ZNF681: variants seen among roughly 807,000 people sequenced by gnomAD.
The protein encoded by ZNF681 is hypothetical protein FLJ31526.
ZNF681 carries 37 observed loss-of-function variants against 56.0 expected under a neutral mutation model. The observed-to-expected ratio is 0.66, with a 90% confidence interval of 0.51 to 0.87. The LOEUF (loss-of-function observed/expected upper bound fraction) is 0.87. ZNF681 is among the 40% of genes least tolerant of loss of function. The pLI is 0.00. For synonymous variants in ZNF681, 225 were observed against 248.6 expected (o/e 0.91, Z 0.89); for missense variants, 741 against 744.9 (o/e 0.99, Z 0.06).
At position 23,740,228 on chromosome 19, in the gene ZNF681, T is replaced by C. The variant is rs1317564922; in HGVS notation, c.*3384A>G. The C allele has an allele frequency of 6.6e-6, 1 of 152,144 alleles. No homozygotes were observed. The highest frequency in any genetic ancestry group is 1.9e-4 in the East Asian group (1 of 5,186). 9.4% of individuals were successfully genotyped at this position (152,144 alleles called of 1,614,324 possible). A position where few individuals can be genotyped will look rare whatever the true frequency, so the allele number is the denominator to read the frequency against. On this transcript the variant is annotated 3_prime_UTR_variant, in exon 4 of 4. Transcript: ENST00000402377. ...TCTCCAGTTAAAACCAATCTTGCAG[T>C]GCATTAAAAATACCGATTTCTCATC...
chr19:23,751,087 C>T (rs1165415479), intron 3 of ZNF681, among the ~76,000 whole-genome samples: 1 of 145,258 alleles, frequency 6.9e-6, no homozygotes, highest in Non-Finnish European at 1.5e-5. Flanking sequence ...CAAGACTGCG[C>T]CATTGCACTC....
intron 3 of ZNF681, among the ~76,000 whole-genome samples, chr19:23,752,907 G>GA (rs1969054111): frequency 6.6e-6 from 1 of 151,918 alleles, no homozygotes; most frequent in African/African-American, 2.4e-5. Flanking sequence ...TCAAAAAAAT[G>GA]AAAAAGAGCC....
At chr19:23,748,894 C>T (rs950785336) in intron 3 of ZNF681, among the ~76,000 whole-genome samples, 6 of 152,010 alleles carry the variant, frequency 3.9e-5, no homozygotes, top group African/African-American at 9.7e-5. Flanking sequence ...ACTGAAAATC[C>T]GTTATTTGTT....
chr19:23,758,667 T>G, intron 1 of ZNF681, 80 bp downstream of exon 1: 1 of 1,610,834 alleles, frequency 6.2e-7, no homozygotes, highest in Non-Finnish European at 8.5e-7. Flanking sequence ...GGGCGCAAAT[T>G]GTGGAGCTGA....
intron 3 of ZNF681, among the ~76,000 whole-genome samples, chr19:23,750,699 A>T (rs1969014949): frequency 6.6e-6 from 1 of 151,200 alleles, no homozygotes; most frequent in East Asian, 2.0e-4. Flanking sequence ...AAAATTAGCC[A>T]GGCCTGGTGG....
intron 1 of ZNF681, among the ~76,000 whole-genome samples, chr19:23,756,218 G>A (rs988715890): frequency 2.0e-5 from 3 of 151,904 alleles, no homozygotes; most frequent in South Asian, 4.2e-4. Flanking sequence ...CCAACTACTC[G>A]GGAGGCTGAG....
At chr19:23,747,474 C>T (rs559586774) in intron 3 of ZNF681, among the ~76,000 whole-genome samples, 1 of 151,892 alleles carries the variant, frequency 6.6e-6, no homozygotes, top group African/African-American at 2.4e-5. Context: ...CCCGTCTCTA[C>T]TAAAAATACA....
intron 3 of ZNF681, among the ~76,000 whole-genome samples, chr19:23,752,714 C>G (rs1969050856): frequency 6.6e-6 from 1 of 152,186 alleles, no homozygotes; most frequent in Non-Finnish European, 1.5e-5. Context: ...ACTACAAACC[C>G]AGAGGGCATC....
Position 23,744,641 on chromosome 19 carries a change from A to C in ZNF681, c.909T>G (p.Ile303Met), listed in dbSNP as rs528731883. Reference protein sequence around the residue: ...QSLTLTTHKIIHTREKLNEYK... With the variant: ...QSLTLTTHKIMHTREKLNEYK... The stretch of plus-strand genomic sequence containing the variant: ...ATTCATTGAGTTTCTCTCTGGTATG[A>C]ATTATCTTATGTGTAGTAAGGGTTA... Residue 303 changes from isoleucine to methionine, a missense_variant, in exon 4 of 4, where the codon ATT becomes ATG. Coordinates refer to ENST00000402377, the MANE Select transcript of ZNF681 (RefSeq NM_138286.3). 4 of 1,596,888 alleles carry C rather than the reference A, an allele frequency of 2.5e-6. No individual in the cohort carries two copies. Among genetic ancestry groups the C allele is most frequent in the Non-Finnish European group, 3.4e-6 (4 of 1,167,872 alleles).
At chr19:23,747,946 T>C (rs1968969795) in intron 3 of ZNF681, among the ~76,000 whole-genome samples, 1 of 151,986 alleles carries the variant, frequency 6.6e-6, no homozygotes, top group Admixed American at 6.6e-5. Flanking sequence ...CAAAAAATCA[T>C]GTTGAAAACT....
In ZNF681 at chr19:23,744,311, C is replaced by T. The variant is rs143114236; in HGVS notation, c.1239G>A (p.Lys413=). 2.3e-3 allele frequency: 3,706 copies of T among 1,613,796 alleles called. 81 individuals are homozygous for T. The African/African-American group carries it at 0.041, about 18-fold the overall frequency. The change falls in exon 4 of 4, where the codon AAG becomes AAA. Residue 413 remains lysine, a synonymous_variant. Transcript: ENST00000402377. ...FNKSSHLTRH[K]SIHTGEKPYQ... ...AGGGTTTTTCTCCAGTATGAATGCT[C>T]TTATGTCTAGTAAGGTGTGAGGACT...
chr19:23,754,462 G>A (rs1055544002), intron 3 of ZNF681, among the ~76,000 whole-genome samples: 2 of 149,486 alleles, frequency 1.3e-5, no homozygotes, highest in African/African-American at 4.9e-5. Flanking sequence ...TTAGGAGTTC[G>A]AGACCAGCCT....
rs765477852 is a variant in ZNF681 at position 23,745,305 on chromosome 19, G to A, written c.245C>T (p.Ala82Val). The change falls in exon 4 of 4, where the codon GCC (alanine) becomes GTC (valine). Residue 82 changes from alanine (A) to valine (V), a missense_variant. By Grantham distance (64) the Ala-to-Val change is moderately conservative. Coordinates refer to ENST00000402377, the MANE Select transcript of ZNF681 (RefSeq NM_138286.3). ...AEPPVICSHF[A>V]QDFSPEQNIK... ...GTTCTGCTCTGGTGAAAAGTCTTGG[G>A]CAAAATGAGAACAAATAACTGAAAG... 2 of 1,549,066 alleles carry A rather than the reference G, an allele frequency of 1.3e-6. No homozygotes were observed. The highest frequency in any genetic ancestry group is 1.4e-5 in the African/African-American group (1 of 71,890).
At chr19:23,746,319 CAAA>C (rs56146398) in intron 3 of ZNF681, among the ~76,000 whole-genome samples, 105 of 148,302 alleles carry the variant, frequency 7.1e-4, no homozygotes, top group Non-Finnish European at 6.4e-4. Context: ...GTCTCAAAAA[CAAA>C]AAAAAAAAAA....
chr19:23,742,111 G>A lies in ZNF681; in HGVS notation c.*1501C>T, dbSNP rs1272043192. ...CATAATAATGCTTCATTGAATGCAC[G>A]ATGGTCTTAACATGTTTTTTAAAAA... On this transcript the variant is annotated 3_prime_UTR_variant, in exon 4 of 4. Coordinates refer to ENST00000402377, the MANE Select transcript of ZNF681 (RefSeq NM_138286.3). The A allele has an allele frequency of 2.6e-5, 4 of 152,078 alleles. No homozygotes were observed. The highest frequency in any genetic ancestry group is 4.4e-5 in the Non-Finnish European group (3 of 68,018). 9.4% of individuals were successfully genotyped at this position (152,078 alleles called of 1,614,324 possible). A position where few individuals can be genotyped will look rare whatever the true frequency, so the allele number is the denominator to read the frequency against.
At chr19:23,754,238 T>C (rs1234254449) in intron 3 of ZNF681, among the ~76,000 whole-genome samples, 6 of 151,438 alleles carry the variant, frequency 4.0e-5, no homozygotes, top group African/African-American at 1.5e-4. Context: ...AGTCAGATTG[T>C]GCAGTCTCTT....
Position 23,741,752 on chromosome 19 carries a change from TACAA to T in ZNF681, c.*1856_*1859del, listed in dbSNP as rs1968877047. Reference sequence around the variant, plus strand: ...CGAAAAGTGCAGAATTAGTTTATAATACAAACAAATACAAACAATAAATGCTGCA... The same window carrying T: ...CGAAAAGTGCAGAATTAGTTTATAATACAAATACAAACAATAAATGCTGCA... On this transcript the variant is annotated 3_prime_UTR_variant, in exon 4 of 4. Transcript: ENST00000402377. 1 of 152,014 alleles carries T rather than the reference TACAA, an allele frequency of 6.6e-6. No individual in the cohort carries two copies. 9.4% of individuals were successfully genotyped at this position (152,014 alleles called of 1,614,324 possible).
In ZNF681 at chr19:23,758,797, C is replaced by G. The variant is rs752700233; in HGVS notation, c.-48G>C. 2.5e-6 allele frequency: 4 copies of G among 1,613,918 alleles called. No individual in the cohort carries two copies. The Admixed American group carries it at 6.7e-5, about 27-fold the overall frequency. ...GCGTCTTAGCTATGGATCGCCAATA[C>G]CTGCAGGTCAGAGGGCCATAGAGGC... On this transcript the variant is annotated 5_prime_UTR_variant, in exon 1 of 4. Transcript: ENST00000402377.
rs766462743 is a variant in ZNF681 at position 23,758,790 on chromosome 19, G to A, written c.-41C>T. The A allele has an allele frequency of 6.2e-6, 10 of 1,613,836 alleles. No homozygotes were observed. The highest frequency in any genetic ancestry group is 1.3e-5 in the African/African-American group (1 of 74,926). On this transcript the variant is annotated 5_prime_UTR_variant, in exon 1 of 4. Transcript: ENST00000402377. ...GGACCTGGCGTCTTAGCTATGGATCGCCAATACCTGCAGGTCAGAGGGCCA... is the reference window on the plus strand; with the variant it reads ...GGACCTGGCGTCTTAGCTATGGATCACCAATACCTGCAGGTCAGAGGGCCA...
Sources: gnomAD v4.1 joint callset for allele counts (sites outside exome capture counted in the v4.1 genomes callset) on GRCh38, gnomAD v4.1.1 for gene constraint, MANE v1.5 for transcripts, NCBI Gene and HGNC (gene_info 2026-07-23, HGNC 2026-07-21) for gene names.